The following SH3PXD2B variants were observed in gnomAD, a reference collection of about 807,000 sequenced individuals.
The protein encoded by SH3PXD2B is SH3 and PX domain-containing protein 2B.
In SH3PXD2B, 37 loss-of-function variants were observed where a neutral mutation model predicts 73.1. That is an observed-to-expected ratio of 0.51 (90% CI 0.39 to 0.67). The LOEUF is 0.67. Ranked by LOEUF, SH3PXD2B falls within the 30% of genes least tolerant of loss-of-function variation. The pLI, the probability that SH3PXD2B is intolerant of heterozygous loss-of-function variation, is 0.00. For missense variants in SH3PXD2B, 1,053 were observed against 1,197.8 expected (o/e 0.88, Z 1.78); for synonymous variants, 457 against 480.5 (o/e 0.95, Z 0.64).
At chr5:172,388,024 A>G (rs1266658481) in intron 4 of SH3PXD2B, among the ~76,000 whole-genome samples, 1 of 152,106 alleles carries the variant, frequency 6.6e-6, no homozygotes, top group African/African-American at 2.4e-5. Context: ...ATACCCATTT[A>G]TTGAGGAATG....
downstream of SH3PXD2B, among the ~76,000 whole-genome samples, chr5:172,330,009 G>A (rs949500345): frequency 3.3e-5 from 5 of 152,144 alleles, no homozygotes; most frequent in South Asian, 6.2e-4. Context: ...ATCTCACTGC[G>A]GGTTGTGTTT....
intron 2 of SH3PXD2B, among the ~76,000 whole-genome samples, chr5:172,417,520 C>G (rs1003218257): frequency 2.0e-5 from 3 of 152,204 alleles, no homozygotes; most frequent in African/African-American, 7.2e-5. Context: ...TTTGAATAAT[C>G]CATCTTGACT....
intron 1 of SH3PXD2B, among the ~76,000 whole-genome samples, chr5:172,431,690 G>GCACACACA (rs60568854): frequency 7.9e-5 from 12 of 151,774 alleles, no homozygotes; most frequent in African/African-American, 1.7e-4. Flanking sequence ...GACACCCATT[G>GCACACACA]CACACACACA....
chr5:172,391,568 T>C (rs543115932), intron 4 of SH3PXD2B, among the ~76,000 whole-genome samples: 2 of 152,284 alleles, frequency 1.3e-5, no homozygotes, highest in East Asian at 3.9e-4. Flanking sequence ...ATTCAAGCCA[T>C]CCTCCCACTT....
downstream of SH3PXD2B, among the ~76,000 whole-genome samples, chr5:172,329,537 A>ATTTTTTTTTTTTTTTTTTTTTTT (rs1189125823): frequency 1.6e-5 from 1 of 62,960 alleles, no homozygotes; most frequent in Non-Finnish European, 3.6e-5. Flanking sequence ...GATCTTTGTT[A>ATTTTTTTTTTTTTTTTTTTTTTT]TTCTTTTTTT....
intron 6 of SH3PXD2B, among the ~76,000 whole-genome samples, chr5:172,370,756 G>T (rs975067474): frequency 1.3e-5 from 2 of 152,248 alleles, no homozygotes; most frequent in South Asian, 4.1e-4. Flanking sequence ...TCAACTTATT[G>T]AAACTGATGA....
Position 172,336,317 on chromosome 5 carries a change from A to AGG in SH3PXD2B, c.*2050_*2051dup. 1 of 985,572 alleles carries AGG rather than the reference A, an allele frequency of 1.0e-6. No individual in the cohort carries two copies. The highest frequency in any genetic ancestry group is 1.2e-6 in the Non-Finnish European group (1 of 829,974). The allele number at this position is 985,572 out of a possible 1,614,324, so 61.1% of individuals were successfully genotyped here. A position where few individuals can be genotyped will look rare whatever the true frequency, so the allele number is the denominator to read the frequency against. The stretch of plus-strand genomic sequence containing the variant: ...CTGCCATGGGGCCTCCTCTCAAGGG[A>AGG]GGGGACCCTCAAGCGGTGGCGGCCC... On this transcript the variant is annotated 3_prime_UTR_variant, in exon 13 of 13. Transcript: ENST00000311601.
At chr5:172,348,660 T>C (rs1279046065) in intron 10 of SH3PXD2B, among the ~76,000 whole-genome samples, 32 of 30,532 alleles carry the variant, frequency 1.0e-3, no homozygotes, top group African/African-American at 2.8e-3. Context: ...CTATCCTATC[T>C]ATCTATCTAT....
intron 12 of SH3PXD2B, among the ~76,000 whole-genome samples, chr5:172,344,115 A>C (rs1383920361): frequency 6.6e-6 from 1 of 151,992 alleles, no homozygotes; most frequent in African/African-American, 2.4e-5. Context: ...CATCATCATC[A>C]TTATCATAAC....
chr5:172,325,817 T>C (rs1050545010), intron 12 of SH3PXD2B, among the ~76,000 whole-genome samples: 10 of 152,238 alleles, frequency 6.6e-5, no homozygotes, highest in African/African-American at 2.2e-4. Flanking sequence ...GTTTCGCTGT[T>C]GTTGCCCAGG....
intron 1 of SH3PXD2B, 40 bp downstream of exon 1, chr5:172,454,238 G>A (rs1373051041): frequency 1.9e-6 from 3 of 1,561,694 alleles, no homozygotes; most frequent in Non-Finnish European, 2.6e-6. Context: ...CCCCGACGGG[G>A]CGCGGGCTCA....
chr5:172,373,664 G>A, intron 6 of SH3PXD2B, 126 bp downstream of exon 6: 1 of 1,087,798 alleles, frequency 9.2e-7, no homozygotes, highest in Non-Finnish European at 1.3e-6. Context: ...CCTCCCTCCT[G>A]CCAACCATCC....
At chr5:172,369,938 C>A (rs1757665102) in intron 6 of SH3PXD2B, among the ~76,000 whole-genome samples, 2 of 152,120 alleles carry the variant, frequency 1.3e-5, no homozygotes, top group African/African-American at 4.8e-5. Flanking sequence ...GGACCCAGAG[C>A]ACTACCAGGT....
intron 2 of SH3PXD2B, among the ~76,000 whole-genome samples, chr5:172,413,628 A>G (rs140527582): frequency 6.6e-6 from 1 of 152,368 alleles, no homozygotes; most frequent in Non-Finnish European, 1.5e-5. Context: ...ATTACATACC[A>G]GGTGGCAGCA....
chr5:172,363,208 C>A (rs192033961), intron 6 of SH3PXD2B, among the ~76,000 whole-genome samples: 4 of 152,228 alleles, frequency 2.6e-5, no homozygotes, highest in African/African-American at 9.6e-5. Context: ...CCTCCATTAT[C>A]CATCCATCCA....
chr5:172,386,534 C>G (rs1758063030), intron 4 of SH3PXD2B, among the ~76,000 whole-genome samples: 1 of 152,190 alleles, frequency 6.6e-6, no homozygotes. Flanking sequence ...AGGCAGGTAA[C>G]AGCAGTTAGC....
In SH3PXD2B at chr5:172,333,760, C is replaced by G. The variant is rs1756620628; in HGVS notation, c.*4609G>C. 1.1e-5 allele frequency: 14 copies of G among 1,289,278 alleles called. No individual in the cohort carries two copies. The highest frequency in any genetic ancestry group is 1.4e-5 in the Non-Finnish European group (14 of 988,752). The allele number at this position is 1,289,278 out of a possible 1,614,324, so 79.9% of individuals were successfully genotyped here. Reference sequence around the variant, plus strand: ...AGCAGACACGAGGTGGTGGGCAGTGCCCACTGTTCCTGGAGGGAGGTAAGA... The same window carrying G: ...AGCAGACACGAGGTGGTGGGCAGTGGCCACTGTTCCTGGAGGGAGGTAAGA... On this transcript the variant is annotated 3_prime_UTR_variant, in exon 13 of 13. Coordinates refer to ENST00000311601, the MANE Select transcript of SH3PXD2B (RefSeq NM_001017995.3).
intron 2 of SH3PXD2B, among the ~76,000 whole-genome samples, chr5:172,412,207 C>T (rs1464709265): frequency 6.6e-6 from 1 of 152,102 alleles, no homozygotes; most frequent in African/African-American, 2.4e-5. Flanking sequence ...GGCAAAAAAC[C>T]CCTCAGGACT....
chr5:172,447,833 A>C (rs566658414), intron 1 of SH3PXD2B, among the ~76,000 whole-genome samples: 1 of 142,674 alleles, frequency 7.0e-6, no homozygotes, highest in Admixed American at 6.9e-5. Context: ...GACTTCTCCC[A>C]TTGAGGATGA....
Sources: gnomAD v4.1 joint callset for allele counts (sites outside exome capture counted in the v4.1 genomes callset) on GRCh38, gnomAD v4.1.1 for gene constraint, MANE v1.5 for transcripts, NCBI Gene and HGNC (gene_info 2026-07-23, HGNC 2026-07-21) for gene names.